Variants in SLC7A7 observed in about 807,000 individuals in gnomAD.
The protein encoded by SLC7A7 is Y+L amino acid transporter 1.
Under a neutral mutation model 47.9 loss-of-function variants are expected in SLC7A7, and 39 were observed. That is an observed-to-expected ratio of 0.81 (90% CI 0.63 to 1.06). The LOEUF (loss-of-function observed/expected upper bound fraction) is 1.06, where lower values mean the gene tolerates loss of function less well. Ranked by LOEUF, SLC7A7 falls within the 50% of genes least tolerant of loss-of-function variation. The probability of loss-of-function intolerance (pLI) is 0.00; values close to 1 mark genes in which losing one functional copy is unlikely to be tolerated. For synonymous variants in SLC7A7, 234 were observed against 242.8 expected (o/e 0.96, Z 0.34); for missense variants, 588 against 632.0 (o/e 0.93, Z 0.75).
intron 2 of SLC7A7, among the ~76,000 whole-genome samples, chr14:22,792,897 A>AGAGAGAGAG (rs1555323613): frequency 1.6e-5 from 1 of 61,900 alleles, no homozygotes. Context: ...GAGAGAGAGA[A>AGAGAGAGAG]AGGAAAAGAA....
At position 22,812,565 on chromosome 14, in the gene SLC7A7, G is replaced by T. The variant is rs1244645694; in HGVS notation, c.499+335C>A. On this transcript the variant is annotated intron_variant, in intron 2 of 9. Coordinates refer to ENST00000674313, the MANE Select transcript of SLC7A7 (RefSeq NM_003982.4). The stretch of plus-strand genomic sequence containing the variant: ...GCAGGAGGATAGCTTGAGCCTAGAA[G>T]TTCGAGGCTGAAGTAAGGTATAATC... Among the ~76,000 whole-genome samples the T allele has an allele frequency of 4.7e-5, 7 of 150,402 alleles. No homozygotes were observed. In the East Asian group the frequency reaches 1.4e-3, roughly 29 times the overall value.
At chr14:22,800,577 C>A (rs1342476573) in intron 2 of SLC7A7, among the ~76,000 whole-genome samples, 3 of 152,220 alleles carry the variant, frequency 2.0e-5, no homozygotes, top group African/African-American at 4.8e-5. Flanking sequence ...GCCCACGAGT[C>A]ACCACGCTGT....
intron 2 of SLC7A7, among the ~76,000 whole-genome samples, chr14:22,812,657 A>G (rs2039330126): frequency 1.4e-5 from 2 of 140,574 alleles, no homozygotes; most frequent in South Asian, 4.6e-4. Flanking sequence ...AAAAAAAAAA[A>G]TCAGGAAGAA....
intron 2 of SLC7A7, among the ~76,000 whole-genome samples, chr14:22,810,450 G>A (rs8018436): frequency 0.21 from 22,419 of 104,966 alleles, 2,058 homozygotes; most frequent in Middle Eastern, 0.32. Flanking sequence ...CAACAAGAGC[G>A]AAACTCCATC....
chr14:22,780,251 A>AC (rs2038695963), intron 2 of SLC7A7, 200 bp from the exon 3 acceptor site: 3 of 563,710 alleles, frequency 5.3e-6, no homozygotes, highest in East Asian at 6.2e-5. Context: ...TATACTCCCC[A>AC]CCCCCAGCAC....
intron 4 of SLC7A7, 75 bp from the exon 5 acceptor site, chr14:22,776,393 C>G: frequency 6.3e-7 from 1 of 1,578,452 alleles, no homozygotes; most frequent in Non-Finnish European, 8.7e-7. Context: ...CTTAGACTCT[C>G]CCTGCCACAC....
intron 2 of SLC7A7, among the ~76,000 whole-genome samples, chr14:22,787,535 T>G (rs1594956453): frequency 6.8e-6 from 1 of 147,134 alleles, no homozygotes; most frequent in East Asian, 2.0e-4. Context: ...GCAGATCACT[T>G]GAGGCCAGGA....
intron 2 of SLC7A7, among the ~76,000 whole-genome samples, chr14:22,804,160 T>G (rs1447073406): frequency 6.6e-6 from 1 of 152,098 alleles, no homozygotes; most frequent in African/African-American, 2.4e-5. Flanking sequence ...TGCAGAAAAT[T>G]GAAACTGGAG....
chr14:22,798,446 G>C (rs2039055328), intron 2 of SLC7A7, among the ~76,000 whole-genome samples: 1 of 152,148 alleles, frequency 6.6e-6, no homozygotes, highest in Admixed American at 6.5e-5. Flanking sequence ...CTTCCAAAGG[G>C]ATAAGGGTAT....
chr14:22,800,840 G>T (rs1446657889), intron 2 of SLC7A7, among the ~76,000 whole-genome samples: 1 of 152,224 alleles, frequency 6.6e-6, no homozygotes, highest in East Asian at 1.9e-4. Context: ...TCAGGAGGCT[G>T]AGGAAGGAGA....
At chr14:22,806,535 A>G (rs2039212689) in intron 2 of SLC7A7, among the ~76,000 whole-genome samples, 1 of 151,870 alleles carries the variant, frequency 6.6e-6, no homozygotes, top group South Asian at 2.1e-4. Context: ...TGCCCTGTCT[A>G]CCTCACACTC....
intron 2 of SLC7A7, among the ~76,000 whole-genome samples, chr14:22,787,825 G>A (rs1333927089): frequency 2.0e-5 from 3 of 149,622 alleles, no homozygotes; most frequent in African/African-American, 2.5e-5. Context: ...TGTAATCCCA[G>A]CACTTTGGGA....
In SLC7A7 at chr14:22,812,890, C is replaced by A; in HGVS notation, c.499+10G>T. The A allele has an allele frequency of 1.2e-6, 2 of 1,612,508 alleles. No homozygotes were observed. The highest frequency in any genetic ancestry group is 1.3e-5 in the African/African-American group (1 of 74,812). ...CTCCACCCACCACCTCCTACCCCAGCCCCACTTACAAATGCAGGCAGCAGC... is the reference window on the plus strand; with the variant it reads ...CTCCACCCACCACCTCCTACCCCAGACCCACTTACAAATGCAGGCAGCAGC... On this transcript the variant is annotated intron_variant, in intron 2 of 9. Transcript: ENST00000674313.
chr14:22,811,648 G>A (rs1333226212), intron 2 of SLC7A7, among the ~76,000 whole-genome samples: 3 of 151,998 alleles, frequency 2.0e-5, no homozygotes, highest in East Asian at 1.9e-4. Flanking sequence ...TCAGGAGTTC[G>A]AGTCCAGCCT....
At chr14:22,806,991 G>A (rs1219391602) in intron 2 of SLC7A7, among the ~76,000 whole-genome samples, 1 of 144,808 alleles carries the variant, frequency 6.9e-6, no homozygotes, top group Non-Finnish European at 1.5e-5. Context: ...TCCGCTTCCC[G>A]GGTTCATGCC....
upstream of SLC7A7, chr14:22,816,062 C>A (rs1220366294): frequency 1.6e-5 from 3 of 186,442 alleles, no homozygotes; most frequent in Non-Finnish European, 3.5e-5. Flanking sequence ...GTCAAGAGAT[C>A]AAATATCTGA....
At chr14:22,780,639 G>A (rs2038702623) in intron 2 of SLC7A7, among the ~76,000 whole-genome samples, 1 of 152,246 alleles carries the variant, frequency 6.6e-6, no homozygotes, top group Admixed American at 6.5e-5. Flanking sequence ...GGTTCCTGTA[G>A]AATGGGGACA....
At chr14:22,777,179 G>C (rs936423293) in intron 4 of SLC7A7, among the ~76,000 whole-genome samples, 2 of 151,140 alleles carry the variant, frequency 1.3e-5, no homozygotes, top group African/African-American at 2.4e-5. Context: ...AGGGCGGGGG[G>C]GATTAACAAA....
At chr14:22,817,488 C>T (rs1251109848), upstream of SLC7A7, among the ~76,000 whole-genome samples, 1 of 152,160 alleles carries the variant, frequency 6.6e-6, no homozygotes, top group African/African-American at 2.4e-5. Context: ...TACAGGTGCA[C>T]ACCACCACGC....
Sources: gnomAD v4.1 joint callset for allele counts (sites outside exome capture counted in the v4.1 genomes callset) on GRCh38, gnomAD v4.1.1 for gene constraint, MANE v1.5 for transcripts, NCBI Gene and HGNC (gene_info 2026-07-23, HGNC 2026-07-21) for gene names.